Variants in BORCS5 observed in about 807,000 individuals in gnomAD.
The protein encoded by BORCS5 is BLOC-1-related complex subunit 5.
A neutral mutation model predicts 22.1 loss-of-function variants in BORCS5; 17 were observed. The ratio of observed to expected loss-of-function variants is 0.77; its 90% confidence interval spans 0.53 to 1.15. The LOEUF is 1.15. Among genes scored for constraint, BORCS5 ranks in the 50% most tolerant of loss-of-function variants. The probability of loss-of-function intolerance (pLI) is 0.00; values close to 1 mark genes in which losing one functional copy is unlikely to be tolerated. For synonymous variants in BORCS5, 117 were observed against 99.8 expected, an observed-to-expected ratio of 1.17 and a Z score of -1.03; for missense variants, 247 against 253.2, an observed-to-expected ratio of 0.98 and a Z score of 0.17.
chr12:12,360,395 T>TTTG (rs886306301), intron 1 of BORCS5, among the ~76,000 whole-genome samples: 2 of 151,716 alleles, frequency 1.3e-5, no homozygotes, highest in Non-Finnish European at 2.9e-5. Flanking sequence ...TCTGAGGGTT[T>TTTG]TTGTTGTTGT....
intron 3 of BORCS5, among the ~76,000 whole-genome samples, chr12:12,453,372 T>C (rs763101473): frequency 6.6e-6 from 1 of 152,232 alleles, no homozygotes; most frequent in Non-Finnish European, 1.5e-5. Flanking sequence ...CAGGATCTTA[T>C]GAACACAGCT....
Position 12,413,522 on chromosome 12 carries a change from T to TC in BORCS5, c.203-22102dup, listed in dbSNP as rs1369509700. On this transcript the variant is annotated intron_variant, in intron 2 of 3. Coordinates refer to ENST00000314565, the MANE Select transcript of BORCS5 (RefSeq NM_058169.6). ...GCAACCATCTGATTTCTCAGTTTTT[T>TC]CCCCACCCTTCCTGCCTTTCTATTC... Among the ~76,000 whole-genome samples, 261 of 149,250 alleles carry TC rather than the reference T, an allele frequency of 1.7e-3. 2 individuals are homozygous for TC. The highest frequency in any genetic ancestry group is 6.3e-3 in the African/African-American group (252 of 40,112).
intron 2 of BORCS5, among the ~76,000 whole-genome samples, chr12:12,406,402 T>G (rs1002769757): frequency 9.2e-5 from 14 of 152,218 alleles, no homozygotes; most frequent in Admixed American, 2.6e-4. Context: ...ATGAGAACTT[T>G]CCATCTGATC....
At chr12:12,460,340 G>A (rs1943080105) in intron 3 of BORCS5, among the ~76,000 whole-genome samples, 1 of 152,164 alleles carries the variant, frequency 6.6e-6, no homozygotes, top group African/African-American at 2.4e-5. Context: ...ATTGATTTCT[G>A]TATGCTGACC....
intron 2 of BORCS5, among the ~76,000 whole-genome samples, chr12:12,416,591 C>A (rs776694066): frequency 4.0e-5 from 6 of 151,752 alleles, no homozygotes; most frequent in Non-Finnish European, 5.9e-5. Context: ...TACAGACACA[C>A]ACCATTATGC....
intron 2 of BORCS5, among the ~76,000 whole-genome samples, chr12:12,383,725 C>T (rs896269211): frequency 2.7e-5 from 4 of 150,872 alleles, no homozygotes; most frequent in African/African-American, 9.8e-5. Context: ...AGACGAGTTG[C>T]TTTTCTCTTG....
chr12:12,429,130 A>T (rs1942359616), intron 2 of BORCS5, among the ~76,000 whole-genome samples: 1 of 152,170 alleles, frequency 6.6e-6, no homozygotes, highest in Admixed American at 6.5e-5. Flanking sequence ...CCAAAAATTT[A>T]AAAAATCTTA....
At chr12:12,397,189 G>A (rs1941369923) in intron 2 of BORCS5, among the ~76,000 whole-genome samples, 2 of 152,074 alleles carry the variant, frequency 1.3e-5, no homozygotes, top group Admixed American at 1.3e-4. Context: ...CCCCAGAACA[G>A]GCTAGATGTC....
intron 3 of BORCS5, among the ~76,000 whole-genome samples, chr12:12,463,349 C>A (rs756026080): frequency 6.6e-6 from 1 of 152,102 alleles, no homozygotes; most frequent in Non-Finnish European, 1.5e-5. Context: ...TTCTTTGCAA[C>A]AAAGAATGGG....
At chr12:12,388,439 G>C (rs780004357) in intron 2 of BORCS5, among the ~76,000 whole-genome samples, 1 of 151,324 alleles carries the variant, frequency 6.6e-6, no homozygotes, top group Non-Finnish European at 1.5e-5. Flanking sequence ...ACTGCTGGCC[G>C]AGGATAGTTA....
chr12:12,375,607 A>T (rs559273517), intron 2 of BORCS5, among the ~76,000 whole-genome samples: 14 of 152,306 alleles, frequency 9.2e-5, no homozygotes, highest in Non-Finnish European at 1.9e-4. Context: ...CAACAGAGTG[A>T]GACCCTGTCT....
chr12:12,386,289 C>T (rs918471533), intron 2 of BORCS5, among the ~76,000 whole-genome samples: 2 of 150,994 alleles, frequency 1.3e-5, no homozygotes, highest in African/African-American at 4.9e-5. Flanking sequence ...GTGTGAGCCA[C>T]TGTGCCTGGC....
chr12:12,463,621 G>A (rs1565942173), intron 3 of BORCS5, among the ~76,000 whole-genome samples: 2 of 151,962 alleles, frequency 1.3e-5, no homozygotes, highest in Admixed American at 6.5e-5. Flanking sequence ...AGTAAGACAT[G>A]ATGTCAGCAC....
intron 3 of BORCS5, among the ~76,000 whole-genome samples, chr12:12,445,239 G>T (rs980745539): frequency 4.6e-5 from 7 of 151,996 alleles, no homozygotes; most frequent in African/African-American, 1.5e-4. Flanking sequence ...ACAGTGTCTT[G>T]CCATATTGCC....
At chr12:12,373,035 G>T (rs1286154548) in intron 2 of BORCS5, among the ~76,000 whole-genome samples, 1 of 152,148 alleles carries the variant, frequency 6.6e-6, no homozygotes, top group African/African-American at 2.4e-5. Flanking sequence ...GGTTGAAATT[G>T]TAATCCCCAA....
chr12:12,437,158 G>A (rs1360692701), intron 3 of BORCS5, among the ~76,000 whole-genome samples: 1 of 152,188 alleles, frequency 6.6e-6, no homozygotes, highest in African/African-American at 2.4e-5. Flanking sequence ...GGGACCCAGT[G>A]GGAGGTAATT....
At chr12:12,456,097 C>T (rs1293935079) in intron 3 of BORCS5, among the ~76,000 whole-genome samples, 1 of 152,146 alleles carries the variant, frequency 6.6e-6, no homozygotes, top group Non-Finnish European at 1.5e-5. Context: ...TGTAGTATGT[C>T]ACTAATTTGG....
Position 12,357,158 on chromosome 12 carries a change from C to A in BORCS5, c.-294C>A, listed in dbSNP as rs1293376710. 1.3e-6 allele frequency: 2 copies of A among 1,532,614 alleles called. No homozygotes were observed. Among genetic ancestry groups the A allele is most frequent in the Non-Finnish European group, 1.7e-6 (2 of 1,145,518 alleles). The allele number at this position is 1,532,614 out of a possible 1,614,324, so 94.9% of individuals were successfully genotyped here. Reference sequence around the variant, plus strand: ...CGCCGCCCGCCGGCCGCAGGTGCGGCAAAGCCAGTGTCATCTGCCGGTTCT... The same window carrying A: ...CGCCGCCCGCCGGCCGCAGGTGCGGAAAAGCCAGTGTCATCTGCCGGTTCT... On this transcript the variant is annotated 5_prime_UTR_variant, in exon 1 of 4. Coordinates refer to ENST00000314565, the MANE Select transcript of BORCS5 (RefSeq NM_058169.6).
Position 12,357,131 on chromosome 12 carries a change from G to C in BORCS5, c.-321G>C. Reference sequence around the variant, plus strand: ...GGAGCGTGAACCAGTGAGTGAAAGCGGCGCCGCCCGCCGGCCGCAGGTGCG... The same window carrying C: ...GGAGCGTGAACCAGTGAGTGAAAGCCGCGCCGCCCGCCGGCCGCAGGTGCG... On this transcript the variant is annotated 5_prime_UTR_variant, in exon 1 of 4. Transcript: ENST00000314565. The C allele has an allele frequency of 1.3e-6, 2 of 1,533,854 alleles. No individual in the cohort carries two copies. Among genetic ancestry groups the C allele is most frequent in the East Asian group, 2.4e-5 (1 of 40,866 alleles).
Sources: allele counts gnomAD v4.1 joint callset (sites outside exome capture counted in the v4.1 genomes callset), GRCh38; gene constraint gnomAD v4.1.1; transcripts MANE v1.5; gene names NCBI Gene and HGNC (gene_info 2026-07-23, HGNC 2026-07-21).